APOLD1: variants seen among roughly 807,000 people sequenced by gnomAD.
APOLD1 encodes the protein apolipoprotein L domain containing 1.
A neutral mutation model predicts 15.3 loss-of-function variants in APOLD1; 22 were observed. The ratio of observed to expected loss-of-function variants is 1.44; its 90% confidence interval spans 1.03 to 2.05. APOLD1 has a LOEUF of 2.05. APOLD1 is among the 30% of genes most tolerant of loss of function. The pLI is 0.00. For missense variants in APOLD1, 394 were observed against 353.5 expected, an observed-to-expected ratio of 1.11 and a Z score of -0.92; for synonymous variants, 190 against 167.4, an observed-to-expected ratio of 1.13 and a Z score of -1.04.
chr12:12,753,017 G>T (rs11055044), intron 1 of APOLD1, among the ~76,000 whole-genome samples: 30,493 of 152,094 alleles, frequency 0.2, 3,809 homozygotes, highest in Middle Eastern at 0.3. Context: ...CTGGGAGGAG[G>T]GGGGTGCACT....
intron 1 of APOLD1, among the ~76,000 whole-genome samples, chr12:12,735,833 C>T (rs1946680897): frequency 6.6e-6 from 1 of 151,534 alleles, no homozygotes; most frequent in Non-Finnish European, 1.5e-5. Context: ...TGTAGTCATA[C>T]CTACTTGGGA....
At chr12:12,729,111 T>C (rs1035240331) in intron 1 of APOLD1, among the ~76,000 whole-genome samples, 1 of 152,140 alleles carries the variant, frequency 6.6e-6, no homozygotes, top group Non-Finnish European at 1.5e-5. Flanking sequence ...GTCCTCCACA[T>C]CTCGATGGGT....
upstream of APOLD1, among the ~76,000 whole-genome samples, chr12:12,783,711 GC>G (rs1455210386): frequency 2.7e-5 from 4 of 147,732 alleles, no homozygotes; most frequent in African/African-American, 1.0e-4. Flanking sequence ...ATAGCTCACT[GC>G]AGCCTTGACC....
chr12:12,767,328 G>A (rs1442356337), intron 1 of APOLD1, among the ~76,000 whole-genome samples: 1 of 151,842 alleles, frequency 6.6e-6, no homozygotes. Flanking sequence ...GAGTTATTCA[G>A]AAAAATTAAA....
intron 1 of APOLD1, among the ~76,000 whole-genome samples, chr12:12,730,703 G>A (rs1028377646): frequency 3.3e-3 from 348 of 105,670 alleles, no homozygotes; most frequent in Middle Eastern, 0.01. Context: ...AAAAAAGAAA[G>A]AAAGAAAAAA....
At chr12:12,778,798 G>C (rs1024756102) in intron 1 of APOLD1, among the ~76,000 whole-genome samples, 11 of 152,284 alleles carry the variant, frequency 7.2e-5, no homozygotes, top group Non-Finnish European at 4.4e-5. Flanking sequence ...AGCCAAATCT[G>C]AGATAATCTC....
rs1946825283 is a variant in APOLD1 at position 12,753,161 on chromosome 12, G to A, written c.96+27065G>A. ...TAAAGATGAGTGACAAATCAAGAAT[G>A]GATGAACTTTAAAGAAGGCTAACAT... is the stretch of plus-strand genomic sequence containing the variant. On this transcript the variant is annotated intron_variant, in intron 1 of 1. Transcript: ENST00000326765. 2.0e-5 allele frequency among the ~76,000 whole-genome samples: 3 copies of A among 152,222 alleles called. No homozygotes were observed. In the South Asian group the frequency reaches 6.2e-4, roughly 32 times the overall value.
intron 1 of APOLD1, among the ~76,000 whole-genome samples, chr12:12,753,710 G>A (rs1238460292): frequency 1.3e-5 from 2 of 152,158 alleles, no homozygotes; most frequent in South Asian, 2.1e-4. Context: ...GAGTAGGGAA[G>A]AGAGGCAGTG....
At chr12:12,726,154 ACC>A in intron 1 of APOLD1, 1 of 398,348 alleles carries the variant, frequency 2.5e-6, no homozygotes. Flanking sequence ...CCTCTTCGCA[ACC>A]AAAAAAAAAA....
intron 1 of APOLD1, among the ~76,000 whole-genome samples, chr12:12,742,779 G>C (rs1451159391): frequency 1.4e-5 from 2 of 139,118 alleles, no homozygotes; most frequent in African/African-American, 5.3e-5. Flanking sequence ...AAAAAAAAAG[G>C]CCCTGGTCAG....
intron 1 of APOLD1, among the ~76,000 whole-genome samples, chr12:12,737,072 AT>A (rs1946692891): frequency 6.6e-6 from 1 of 152,204 alleles, no homozygotes; most frequent in South Asian, 2.1e-4. Flanking sequence ...TGAATACTGA[AT>A]CTTTTGCTTC....
intron 1 of APOLD1, among the ~76,000 whole-genome samples, chr12:12,731,620 T>C (rs148472652): frequency 2.0e-5 from 3 of 152,182 alleles, no homozygotes; most frequent in African/African-American, 7.2e-5. Flanking sequence ...GCAAAGGATA[T>C]GAACACAGTT....
At chr12:12,748,467 A>G (rs1946782285) in intron 1 of APOLD1, among the ~76,000 whole-genome samples, 1 of 152,210 alleles carries the variant, frequency 6.6e-6, no homozygotes, top group Non-Finnish European at 1.5e-5. Context: ...TAAAGTATCA[A>G]ACAATATTTT....
intron 1 of APOLD1, among the ~76,000 whole-genome samples, chr12:12,750,588 A>AT (rs1946805265): frequency 3.0e-5 from 1 of 33,342 alleles, no homozygotes; most frequent in African/African-American, 5.4e-5. Flanking sequence ...GTTAAAGTAT[A>AT]TTTTTTCTCA....
chr12:12,772,064 G>A lies in APOLD1; in HGVS notation c.97-14845G>A, dbSNP rs1157063592. Among the ~76,000 whole-genome samples the A allele has an allele frequency of 2.0e-5, 3 of 152,020 alleles. No homozygotes were observed. The East Asian group carries it at 5.8e-4, about 29-fold the overall frequency. ...CAACAAAAGGCAAAAGAGAAAAAGA[G>A]TGAAAGATAAAAATAAGAACAAAGA... On this transcript the variant is annotated intron_variant, in intron 1 of 1. Coordinates refer to the APOLD1 transcript ENST00000326765.
chr12:12,760,640 A>G (rs1946891206), intron 1 of APOLD1, among the ~76,000 whole-genome samples: 1 of 131,846 alleles, frequency 7.6e-6, no homozygotes, highest in Non-Finnish European at 1.6e-5. Flanking sequence ...ACTCTGTCTC[A>G]AAAAAAAAAA....
chr12:12,770,601 T>G (rs1415934179), intron 1 of APOLD1, among the ~76,000 whole-genome samples: 2 of 119,432 alleles, frequency 1.7e-5, no homozygotes, highest in East Asian at 4.8e-4. Context: ...GAAAAGAATA[T>G]CCAGGAACTG....
At chr12:12,786,879 C>T in intron 1 of APOLD1, 30 bp from the exon 2 acceptor site, 1 of 1,402,568 alleles carries the variant, frequency 7.1e-7, no homozygotes. Flanking sequence ...ACGGAGACTC[C>T]AGGCTGACCG....
At chr12:12,786,606 T>C (rs1345630361) in intron 1 of APOLD1, 1 of 971,178 alleles carries the variant, frequency 1.0e-6, no homozygotes, top group Non-Finnish European at 1.2e-6. Context: ...GTTTAAATCT[T>C]ATTTAACACA....
Sources: allele counts gnomAD v4.1 joint callset (sites outside exome capture counted in the v4.1 genomes callset), GRCh38; gene constraint gnomAD v4.1.1; transcripts MANE v1.5; gene names NCBI Gene and HGNC (gene_info 2026-07-23, HGNC 2026-07-21).